Variants in MAF observed in about 807,000 individuals in gnomAD.
The protein encoded by MAF is transcription factor Maf.
In MAF, 10 loss-of-function variants were observed where a neutral mutation model predicts 22.0. That is an observed-to-expected ratio of 0.45 (90% CI 0.28 to 0.77). MAF has a LOEUF of 0.77. Ranked by LOEUF, MAF falls within the 30% of genes least tolerant of loss-of-function variation. MAF has a pLI of 0.12. For synonymous variants in MAF, 337 were observed against 255.8 expected (o/e 1.32, Z -3.03); for missense variants, 544 against 548.4 (o/e 0.99, Z 0.08).
chr16:79,377,210 C>T, the MAF span, among the ~76,000 whole-genome samples: 1 of 151,998 alleles, frequency 6.6e-6, no homozygotes, highest in East Asian at 1.9e-4. Flanking sequence ...TTTAATGATC[C>T]CCATTCTAAC....
At chr16:79,552,390 G>A in the MAF span, among the ~76,000 whole-genome samples, 1 of 151,988 alleles carries the variant, frequency 6.6e-6, no homozygotes, top group Non-Finnish European at 1.5e-5. Flanking sequence ...TATTTGTTCT[G>A]TAGAGATGAG....
At chr16:79,378,120 G>T in the MAF span, among the ~76,000 whole-genome samples, 3 of 152,142 alleles carry the variant, frequency 2.0e-5, no homozygotes, top group Non-Finnish European at 4.4e-5. Context: ...ACCTTGGGAA[G>T]TATGGCCATT....
the MAF span, among the ~76,000 whole-genome samples, chr16:79,338,756 G>T: frequency 6.6e-6 from 1 of 152,104 alleles, no homozygotes; most frequent in African/African-American, 2.4e-5. Context: ...CCTTGCTAAG[G>T]ACATAAATAT....
At chr16:79,598,528 T>TC in intron 1 of MAF, 1 of 1,387,446 alleles carries the variant, frequency 7.2e-7, no homozygotes, top group Non-Finnish European at 9.4e-7. Flanking sequence ...AGACACCCAT[T>TC]CCCTCCCCAG....
chr16:79,422,098 GAGAGCATGATAAAGT>G, the MAF span, among the ~76,000 whole-genome samples: 1 of 152,188 alleles, frequency 6.6e-6, no homozygotes, highest in South Asian at 2.1e-4. Context: ...AATTCTTAAT[GAGAGCATGATAAAGT>G]AGAATCACTG....
At chr16:79,538,666 TG>T in the MAF span, among the ~76,000 whole-genome samples, 2 of 152,036 alleles carry the variant, frequency 1.3e-5, no homozygotes, top group Non-Finnish European at 2.9e-5. Context: ...TATAAATTGC[TG>T]GGAGAAATCA....
At chr16:79,289,794 T>G in the MAF span, among the ~76,000 whole-genome samples, 3 of 151,824 alleles carry the variant, frequency 2.0e-5, no homozygotes, top group Admixed American at 2.0e-4. Flanking sequence ...GTCCAAAGTT[T>G]GTTCTCTTAG....
chr16:79,594,823 C>CT, intron 1 of MAF: 1 of 1,251,646 alleles, frequency 8.0e-7, no homozygotes, highest in East Asian at 3.5e-5. Flanking sequence ...TACAGCCAGC[C>CT]ACTCAAACCT....
the MAF span, among the ~76,000 whole-genome samples, chr16:79,223,794 C>A: frequency 6.6e-6 from 1 of 152,090 alleles, no homozygotes; most frequent in East Asian, 1.9e-4. Flanking sequence ...TATACACCCT[C>A]CCAAGACTCA....
the MAF span, among the ~76,000 whole-genome samples, chr16:79,213,171 G>C: frequency 1.3e-5 from 2 of 152,190 alleles, no homozygotes; most frequent in South Asian, 4.1e-4. Flanking sequence ...CGGAGAAAAT[G>C]CTTCTGCTGA....
the MAF span, chr16:79,211,470 G>A: frequency 7.0e-5 from 75 of 1,078,294 alleles, no homozygotes; most frequent in Non-Finnish European, 9.5e-5. Context: ...TTTCAGCCCA[G>A]TACCCTTTGC....
the MAF span, among the ~76,000 whole-genome samples, chr16:79,346,580 G>A: frequency 6.6e-6 from 1 of 152,162 alleles, no homozygotes; most frequent in Non-Finnish European, 1.5e-5. Flanking sequence ...CTCAAGGATA[G>A]AAGAAGGATT....
chr16:79,441,688 T>A, the MAF span, among the ~76,000 whole-genome samples: 14 of 152,348 alleles, frequency 9.2e-5, 1 homozygote, highest in South Asian at 1.4e-3. Flanking sequence ...CACAGTTTGC[T>A]GATAGAAGAG....
the MAF span, among the ~76,000 whole-genome samples, chr16:79,232,242 T>A: frequency 6.6e-6 from 1 of 152,094 alleles, no homozygotes; most frequent in South Asian, 2.1e-4. Context: ...AAGACTTAAA[T>A]TACATATACT....
At chr16:79,590,541 G>A (rs1913133552), downstream of MAF, among the ~76,000 whole-genome samples, 2 of 152,210 alleles carry the variant, frequency 1.3e-5, no homozygotes, top group African/African-American at 4.8e-5. Flanking sequence ...AAAGGTGTCA[G>A]AAATTATGGA....
the MAF span, among the ~76,000 whole-genome samples, chr16:79,251,100 C>G: frequency 3.0e-3 from 450 of 152,236 alleles, 7 homozygotes; most frequent in Admixed American, 0.023. Flanking sequence ...CAGGTGGAAA[C>G]TGACTCTCAG....
chr16:79,277,615 A>G, the MAF span, among the ~76,000 whole-genome samples: 1 of 152,140 alleles, frequency 6.6e-6, no homozygotes, highest in Non-Finnish European at 1.5e-5. Context: ...AGCCACCTAC[A>G]TTTGTCAGGG....
chr16:79,330,640 G>C, the MAF span, among the ~76,000 whole-genome samples: 1 of 152,212 alleles, frequency 6.6e-6, no homozygotes, highest in South Asian at 2.1e-4. Context: ...TGTTCTGTTA[G>C]TGATCAAAGG....
the MAF span, chr16:79,204,456 A>C: frequency 1.3e-5 from 2 of 152,170 alleles, no homozygotes; most frequent in Non-Finnish European, 2.9e-5. Context: ...CTAGGGTCTC[A>C]CAATAATAGC....
Sources: gnomAD v4.1 joint callset for allele counts (sites outside exome capture counted in the v4.1 genomes callset) on GRCh38, gnomAD v4.1.1 for gene constraint, MANE v1.5 for transcripts, NCBI Gene and HGNC (gene_info 2026-07-23, HGNC 2026-07-21) for gene names.